Variants in C1orf146 observed in about 807,000 individuals in gnomAD.
The protein encoded by C1orf146 is protein SPO16 homolog.
In C1orf146, 22 loss-of-function variants were observed where a neutral mutation model predicts 23.0. The ratio of observed to expected loss-of-function variants is 0.96; its 90% CI spans 0.68 to 1.36. The LOEUF (loss-of-function observed/expected upper bound fraction) is 1.36. Ranked by LOEUF, C1orf146 falls within the 40% of genes most tolerant of loss-of-function variation. The pLI, the probability that C1orf146 is intolerant of heterozygous loss-of-function variation, is 0.00. For synonymous variants in C1orf146, 59 were observed against 65.3 expected (o/e 0.90, Z 0.47); for missense variants, 199 against 206.8 (o/e 0.96, Z 0.23).
intron 3 of C1orf146, among the ~76,000 whole-genome samples, chr1:92,243,813 C>T (rs1001354290): frequency 6.6e-6 from 1 of 152,166 alleles, no homozygotes; most frequent in African/African-American, 2.4e-5. Flanking sequence ...CACATATCTT[C>T]ATCTGTATCC....
chr1:92,241,817 A>T lies in C1orf146; in HGVS notation c.67-395A>T, dbSNP rs527844396. 1.4e-4 allele frequency among the ~76,000 whole-genome samples: 22 copies of T among 152,320 alleles called. No homozygotes were observed. The South Asian group carries it at 4.6e-3, about 32-fold the overall frequency. ...GCTGGGTGTGGTGACGTACACCTAT[A>T]GTCCCAGCTACTTTGGGAGGATTGC... On this transcript the variant is annotated intron_variant, in intron 2 of 5. Coordinates refer to ENST00000370375, the MANE Select transcript of C1orf146 (RefSeq NM_001012425.2).
At position 92,245,765 on chromosome 1, in the gene C1orf146, T is replaced by C; in HGVS notation, c.*91T>C. 1.3e-6 allele frequency: 1 copy of C among 793,948 alleles called. No homozygotes were observed. Among genetic ancestry groups the C allele is most frequent in the South Asian group, 2.4e-5 (1 of 41,454 alleles). 49.2% of individuals were successfully genotyped at this position (793,948 alleles called of 1,614,324 possible). On this transcript the variant is annotated 3_prime_UTR_variant, in exon 6 of 6. Transcript: ENST00000370375. ...AAATATCTATTTAAAGACATTTATA[T>C]TAATTTGAAATAATAACATATACAA...
intron 2 of C1orf146, among the ~76,000 whole-genome samples, chr1:92,232,865 G>A (rs1220455139): frequency 2.0e-5 from 3 of 152,102 alleles, no homozygotes; most frequent in Non-Finnish European, 4.4e-5. Context: ...GCCAGTGATG[G>A]TGAGCATTTT....
At chr1:92,234,219 C>T (rs918649221) in intron 2 of C1orf146, among the ~76,000 whole-genome samples, 1 of 151,854 alleles carries the variant, frequency 6.6e-6, no homozygotes, top group African/African-American at 2.4e-5. Context: ...CCAGTTTTTG[C>T]CCATTGAGTA....
At chr1:92,228,326 T>A (rs1313544902) in intron 1 of C1orf146, among the ~76,000 whole-genome samples, 1 of 152,214 alleles carries the variant, frequency 6.6e-6, no homozygotes, top group Non-Finnish European at 1.5e-5. Context: ...AATGCCAGTA[T>A]TTCAGTCTCC....
chr1:92,244,888 C>T (rs1652547469), intron 5 of C1orf146, 31 bp downstream of exon 5: 2 of 1,263,786 alleles, frequency 1.6e-6, no homozygotes, highest in East Asian at 4.7e-5. Context: ...GACACATACA[C>T]ACATACATTT....
chr1:92,228,381 G>A (rs142765535), intron 1 of C1orf146, among the ~76,000 whole-genome samples: 2 of 152,250 alleles, frequency 1.3e-5, no homozygotes, highest in East Asian at 3.9e-4. Context: ...TTGGTTTTCA[G>A]TCTGTTCTTA....
At chr1:92,218,729 C>T (rs1465701620) in intron 1 of C1orf146, among the ~76,000 whole-genome samples, 1 of 152,066 alleles carries the variant, frequency 6.6e-6, no homozygotes, top group African/African-American at 2.4e-5. Context: ...CGCGCCTGCC[C>T]CTCCCCTCTG....
At chr1:92,230,116 T>A (rs914664024) in intron 1 of C1orf146, among the ~76,000 whole-genome samples, 3 of 152,166 alleles carry the variant, frequency 2.0e-5, no homozygotes, top group Non-Finnish European at 4.4e-5. Flanking sequence ...GCAGTGGTTC[T>A]TAAAGTGTGG....
chr1:92,240,968 T>C (rs1652418739), intron 2 of C1orf146: 1 of 456,820 alleles, frequency 2.2e-6, no homozygotes, highest in Non-Finnish European at 4.5e-6. Context: ...CCTATAGCTG[T>C]TTTCTTACAT....
chr1:92,225,982 C>T (rs1251154721), intron 1 of C1orf146, among the ~76,000 whole-genome samples: 2 of 152,098 alleles, frequency 1.3e-5, no homozygotes, highest in Non-Finnish European at 2.9e-5. Flanking sequence ...AATGTAATTA[C>T]TCAGTATTGC....
intron 2 of C1orf146, among the ~76,000 whole-genome samples, chr1:92,237,372 T>C (rs1024416131): frequency 6.6e-6 from 1 of 152,224 alleles, no homozygotes; most frequent in Non-Finnish European, 1.5e-5. Flanking sequence ...AGAGGTCCAC[T>C]CCAGACCCTG....
At chr1:92,241,459 C>G (rs1652430112) in intron 2 of C1orf146, among the ~76,000 whole-genome samples, 1 of 151,844 alleles carries the variant, frequency 6.6e-6, no homozygotes, top group Admixed American at 6.6e-5. Flanking sequence ...GCCTTGGCCT[C>G]CAAGGTCTCC....
At position 92,236,371 on chromosome 1, in the gene C1orf146, G is replaced by T. The variant is rs529316525; in HGVS notation, c.66+4885G>T. 4.0e-3 allele frequency among the ~76,000 whole-genome samples: 614 copies of T among 152,014 alleles called. 4 individuals carry two copies. The highest frequency in any genetic ancestry group is 0.011 in the Admixed American group (170 of 15,274). ...TTTATTTCTCCTTCACTTATGAAGC[G>T]TAGTTTGGCTGGATATGAAATTCTG... is the stretch of plus-strand genomic sequence containing the variant. On this transcript the variant is annotated intron_variant, in intron 2 of 5. Coordinates refer to ENST00000370375, the MANE Select transcript of C1orf146 (RefSeq NM_001012425.2).
intron 1 of C1orf146, among the ~76,000 whole-genome samples, chr1:92,219,570 C>T (rs1035007028): frequency 8.1e-6 from 1 of 123,564 alleles, no homozygotes; most frequent in Non-Finnish European, 1.6e-5. Flanking sequence ...GGAATGGGAT[C>T]TCAGGTCACT....
intron 1 of C1orf146, among the ~76,000 whole-genome samples, chr1:92,222,541 T>G (rs1029428378): frequency 2.0e-5 from 3 of 150,170 alleles, no homozygotes; most frequent in South Asian, 4.5e-4. Context: ...TTCGGTTTTT[T>G]TTTTTTTTTT....
rs749050927 is a variant in C1orf146, at chr1:92,244,393, A to AG, written c.329+9dup. On this transcript the variant is annotated intron_variant, in intron 4 of 5. Transcript: ENST00000370375. ...GTTCAGGATTCAGCAGAGGTATGGA[A>AG]GAATAGCATTATAGACTTATTTTTC... The AG allele has an allele frequency of 2.5e-5, 39 of 1,571,054 alleles. No individual in the cohort carries two copies. Among genetic ancestry groups the AG allele is most frequent in the African/African-American group, 9.7e-5 (7 of 72,448 alleles).
At chr1:92,234,594 A>C (rs1274264932) in intron 2 of C1orf146, among the ~76,000 whole-genome samples, 4 of 152,204 alleles carry the variant, frequency 2.6e-5, no homozygotes, top group African/African-American at 9.6e-5. Flanking sequence ...TTTCTCTGCC[A>C]GGCTTTGGTA....
chr1:92,239,069 A>C (rs534011907), intron 2 of C1orf146, among the ~76,000 whole-genome samples: 284 of 152,242 alleles, frequency 1.9e-3, no homozygotes, highest in African/African-American at 6.5e-3. Flanking sequence ...TATTTGAATC[A>C]AATTTTAGGG....
Sources: gnomAD v4.1 joint callset for allele counts (sites outside exome capture counted in the v4.1 genomes callset) on GRCh38, gnomAD v4.1.1 for gene constraint, MANE v1.5 for transcripts, NCBI Gene and HGNC (gene_info 2026-07-23, HGNC 2026-07-21) for gene names.